Variants in NRG3 observed in about 807,000 individuals in gnomAD.
NRG3 encodes neuregulin 3.
NRG3 carries 31 observed loss-of-function variants against 66.9 expected under a neutral mutation model. That is an observed-to-expected ratio of 0.46 (90% CI 0.35 to 0.63). The LOEUF is 0.63. NRG3 is among the 20% of genes least tolerant of loss of function. The pLI is 0.00. For missense variants in NRG3, 910 were observed against 878.9 expected (o/e 1.04, Z -0.45); for synonymous variants, 393 against 359.4 (o/e 1.09, Z -1.06).
intron 2 of NRG3, among the ~76,000 whole-genome samples, chr10:82,570,996 A>T (rs2133112857): frequency 6.6e-6 from 1 of 151,654 alleles, no homozygotes. Flanking sequence ...ATATCTATTT[A>T]TCTCTAGTTT....
Position 81,875,269 on chromosome 10 carries a change from G to T in NRG3, c.-72G>T. 1.0e-6 allele frequency: 1 copy of T among 959,550 alleles called. No homozygotes were observed. The highest frequency in any genetic ancestry group is 4.7e-5 in the South Asian group (1 of 21,188). 59.4% of individuals were successfully genotyped at this position (959,550 alleles called of 1,614,324 possible). A position where few individuals can be genotyped will look rare whatever the true frequency, so the allele number is the denominator to read the frequency against. ...GCCGCCGGAGCCCGCGCCCGCGCCC[G>T]CGCCCGGCCCGCGCGGCCCCATGCC... On this transcript the variant is annotated 5_prime_UTR_variant, in exon 1 of 9. Coordinates refer to ENST00000372141, the MANE Select transcript of NRG3 (RefSeq NM_001010848.4). The surrounding 1 kb of genome is among the most constrained non-coding windows in gnomAD (Gnocchi z 5.3).
At chr10:82,710,389 T>C (rs1704241384) in intron 2 of NRG3, among the ~76,000 whole-genome samples, 1 of 152,044 alleles carries the variant, frequency 6.6e-6, no homozygotes, top group South Asian at 2.1e-4. Context: ...AGTTCGAGAC[T>C]AGCCTGCCCA....
At position 82,900,777 on chromosome 10, in the gene NRG3, G is replaced by A. The variant is rs543214225; in HGVS notation, c.1054+35340G>A. Among the ~76,000 whole-genome samples, 15 of 152,248 alleles carry A rather than the reference G, an allele frequency of 9.9e-5. No homozygotes were observed. In the East Asian group the frequency reaches 2.9e-3, roughly 29 times the overall value. ...GAAAATAAATGGTAGAGCTGAAAAT[G>A]TACTCACATCCTAAAGGCTAAAGCC... On this transcript the variant is annotated intron_variant, in intron 4 of 8. Transcript: ENST00000372141.
intron 3 of NRG3, among the ~76,000 whole-genome samples, chr10:82,815,514 G>C (rs12243691): frequency 0.026 from 4,012 of 151,994 alleles, 146 homozygotes; most frequent in East Asian, 0.18. Context: ...TCTTTCTCTT[G>C]AGCTCTCTGC....
At chr10:82,573,595 C>T (rs1243099788) in intron 2 of NRG3, among the ~76,000 whole-genome samples, 1 of 151,794 alleles carries the variant, frequency 6.6e-6, no homozygotes, top group Non-Finnish European at 1.5e-5. Flanking sequence ...TTATGCAACA[C>T]ATGAGTTTCA....
At chr10:82,965,539 C>T (rs1851127575) in intron 6 of NRG3, among the ~76,000 whole-genome samples, 1 of 152,038 alleles carries the variant, frequency 6.6e-6, no homozygotes, top group African/African-American at 2.4e-5. Context: ...AGTTTGAGAC[C>T]AGCCTGCCCA....
intron 6 of NRG3, 71 bp from the exon 7 acceptor site, chr10:82,973,717 C>A (rs571176780): frequency 1.9e-6 from 3 of 1,554,676 alleles, no homozygotes; most frequent in Non-Finnish European, 2.7e-6. Context: ...CTTCTCAATG[C>A]TTAGCTCTGG....
At chr10:82,918,232 A>G (rs1355083162) in intron 4 of NRG3, among the ~76,000 whole-genome samples, 4 of 151,948 alleles carry the variant, frequency 2.6e-5, no homozygotes, top group Non-Finnish European at 5.9e-5. Context: ...TCATTTCCAT[A>G]TTTTATACAT....
chr10:81,910,798 C>T (rs1379437276), intron 1 of NRG3, among the ~76,000 whole-genome samples: 2 of 152,050 alleles, frequency 1.3e-5, no homozygotes, highest in Admixed American at 6.6e-5. Context: ...ACTACAGATG[C>T]ATGCCACCAT....
At chr10:82,686,284 T>C (rs924749435) in intron 2 of NRG3, among the ~76,000 whole-genome samples, 3 of 152,016 alleles carry the variant, frequency 2.0e-5, no homozygotes, top group Non-Finnish European at 4.4e-5. Flanking sequence ...GCCTCCTGGA[T>C]TCAAGCGATT....
intron 2 of NRG3, among the ~76,000 whole-genome samples, chr10:82,653,913 T>C (rs2051634246): frequency 6.6e-6 from 1 of 152,038 alleles, no homozygotes; most frequent in Admixed American, 6.6e-5. Context: ...CACATACACT[T>C]CTAGGTGGCA....
In NRG3 at chr10:82,152,263, A is replaced by G. The variant is rs548087302; in HGVS notation, c.824-206476A>G. 1.4e-4 allele frequency among the ~76,000 whole-genome samples: 21 copies of G among 152,306 alleles called. No individual in the cohort carries two copies. In the South Asian group the frequency reaches 3.5e-3, roughly 26 times the overall value. ...CAGTTTGGCGATCCTATTGTAGAAT[A>G]TAGTTTTGACATACTGGAAACAGCT... On this transcript the variant is annotated intron_variant, in intron 1 of 8. Coordinates refer to ENST00000372141, the MANE Select transcript of NRG3 (RefSeq NM_001010848.4).
chr10:82,702,230 T>C (rs2055938042), intron 2 of NRG3, among the ~76,000 whole-genome samples: 1 of 152,194 alleles, frequency 6.6e-6, no homozygotes. Flanking sequence ...ACACTGACTA[T>C]AACAGCTGCA....
At chr10:81,917,764 A>G (rs565221993) in intron 1 of NRG3, among the ~76,000 whole-genome samples, 1 of 152,170 alleles carries the variant, frequency 6.6e-6, no homozygotes, top group Non-Finnish European at 1.5e-5. Flanking sequence ...ATTTTAGAAA[A>G]CGTGTTTTTC....
intron 1 of NRG3, among the ~76,000 whole-genome samples, chr10:82,286,234 C>T (rs566673620): frequency 1.3e-5 from 2 of 152,180 alleles, no homozygotes; most frequent in East Asian, 1.9e-4. Flanking sequence ...TCCTGAGGGA[C>T]CTGAGTTTGG....
At chr10:82,216,053 C>T (rs1208614534) in intron 1 of NRG3, among the ~76,000 whole-genome samples, 10 of 143,114 alleles carry the variant, frequency 7.0e-5, no homozygotes, top group African/African-American at 2.2e-4. Context: ...CTGCAACCTC[C>T]GCCTCCCAGG....
intron 1 of NRG3, among the ~76,000 whole-genome samples, chr10:82,220,917 G>T (rs1403868080): frequency 6.6e-6 from 1 of 152,130 alleles, no homozygotes; most frequent in Non-Finnish European, 1.5e-5. Flanking sequence ...CCAGGAGTTG[G>T]ATGCTGCAGT....
chr10:82,754,626 A>G (rs1351807134), intron 3 of NRG3, among the ~76,000 whole-genome samples: 1 of 152,118 alleles, frequency 6.6e-6, no homozygotes, highest in East Asian at 1.9e-4. Flanking sequence ...CCAGGAAAGA[A>G]AACTTACTAT....
intron 3 of NRG3, among the ~76,000 whole-genome samples, chr10:82,746,066 A>C (rs946139488): frequency 1.3e-5 from 2 of 152,000 alleles, no homozygotes; most frequent in Non-Finnish European, 2.9e-5. Flanking sequence ...TTTTTAAAAA[A>C]ATGTTTATAA....
Sources: gnomAD v4.1 joint callset for allele counts (sites outside exome capture counted in the v4.1 genomes callset) on GRCh38, gnomAD v4.1.1 for gene constraint, Gnocchi (gnomAD v3.1) non-coding constraint, MANE v1.5 for transcripts, NCBI Gene and HGNC (gene_info 2026-07-23, HGNC 2026-07-21) for gene names.